UNC5C: variants seen among roughly 807,000 people sequenced by gnomAD.
The protein encoded by UNC5C is netrin receptor UNC5C.
A neutral mutation model predicts 99.8 loss-of-function variants in UNC5C; 47 were observed. The ratio of observed to expected loss-of-function variants is 0.47; its 90% confidence interval spans 0.37 to 0.60. The LOEUF (loss-of-function observed/expected upper bound fraction) is 0.60, where lower values mean the gene tolerates loss of function less well. Ranked by LOEUF, UNC5C falls within the 20% of genes least tolerant of loss-of-function variation. UNC5C has a pLI of 0.00. For synonymous variants in UNC5C, 487 were observed against 452.2 expected, an observed-to-expected ratio of 1.08 and a Z score of -0.98; for missense variants, 1,062 against 1,165.9, an observed-to-expected ratio of 0.91 and a Z score of 1.30.
At position 95,169,329 on chromosome 4, in the gene UNC5C, A is replaced by C. The variant is rs1319092340; in HGVS notation, c.2701T>G (p.Phe901Val). The change falls in exon 16 of 16, where the codon TTC (phenylalanine) becomes GTC (valine). Residue 901 changes from phenylalanine (F) to valine (V), a missense_variant. Physicochemically the swap from Phe to Val is conservative, Grantham distance 50. This residue lies in a region of UNC5C where 810 missense variants were observed against 854.5 expected (regional missense o/e 0.95). Coordinates refer to ENST00000453304, the MANE Select transcript of UNC5C (RefSeq NM_003728.4). ...AGCATGCTCAGGTTTCCATCTGGGA[A>C]GTTCTGTGCTTCCCAAAGATCCAGG... ...VILDLWEAQNFPDGNLSMLAA... is the reference protein window; with the variant it reads ...VILDLWEAQNVPDGNLSMLAA... 1.2e-6 allele frequency: 2 copies of C among 1,614,114 alleles called. No homozygotes were observed. The highest frequency in any genetic ancestry group is 1.7e-6 in the Non-Finnish European group (2 of 1,180,050).
chr4:95,176,005 G>A (rs199533049), intron 14 of UNC5C, among the ~76,000 whole-genome samples: 65,192 of 150,646 alleles, frequency 0.43, 16,551 homozygotes, highest in Admixed American at 0.58. Flanking sequence ...ATCTTCCATC[G>A]CTGATACCCT....
At chr4:95,381,645 T>A (rs1042132734) in intron 1 of UNC5C, among the ~76,000 whole-genome samples, 2 of 151,870 alleles carry the variant, frequency 1.3e-5, no homozygotes, top group African/African-American at 4.9e-5. Context: ...TTGTACCACT[T>A]AATTATTTGA....
chr4:95,221,327 T>C (rs1424727115), intron 7 of UNC5C, among the ~76,000 whole-genome samples: 1 of 152,200 alleles, frequency 6.6e-6, no homozygotes, highest in Non-Finnish European at 1.5e-5. Context: ...CAATTTTATA[T>C]ACATGTACAT....
chr4:95,459,408 A>C (rs1167346182), intron 1 of UNC5C, among the ~76,000 whole-genome samples: 1 of 152,138 alleles, frequency 6.6e-6, no homozygotes, highest in African/African-American at 2.4e-5. Context: ...AGTGTATTAA[A>C]AGTCTCTAAA....
At chr4:95,512,471 G>A (rs1489008684) in intron 1 of UNC5C, among the ~76,000 whole-genome samples, 1 of 152,068 alleles carries the variant, frequency 6.6e-6, no homozygotes, top group African/African-American at 2.4e-5. Flanking sequence ...GGGAAACCAG[G>A]CATGGTTCTG....
At chr4:95,459,546 A>C (rs1389180554) in intron 1 of UNC5C, among the ~76,000 whole-genome samples, 6 of 152,198 alleles carry the variant, frequency 3.9e-5, no homozygotes, top group African/African-American at 1.4e-4. Context: ...AGATGGAAAA[A>C]ATGCAATCAA....
intron 2 of UNC5C, among the ~76,000 whole-genome samples, chr4:95,314,544 A>C (rs1409521488): frequency 6.6e-6 from 1 of 152,234 alleles, no homozygotes; most frequent in Non-Finnish European, 1.5e-5. Flanking sequence ...AGAGACATTA[A>C]GCAATTGAAC....
chr4:95,204,043 C>T (rs1407515831), intron 11 of UNC5C, among the ~76,000 whole-genome samples: 1 of 151,846 alleles, frequency 6.6e-6, no homozygotes, highest in Non-Finnish European at 1.5e-5. Flanking sequence ...TGTGTGAGCT[C>T]ACAAGAAGGA....
chr4:95,342,072 G>A (rs1270616711), intron 1 of UNC5C, among the ~76,000 whole-genome samples: 1 of 152,104 alleles, frequency 6.6e-6, no homozygotes, highest in Non-Finnish European at 1.5e-5. Flanking sequence ...AACTTGAAAG[G>A]CAGTCTAGGC....
intron 1 of UNC5C, among the ~76,000 whole-genome samples, chr4:95,522,045 G>A (rs1293883398): frequency 6.6e-6 from 1 of 151,788 alleles, no homozygotes; most frequent in African/African-American, 2.4e-5. Flanking sequence ...TTTATTTCTA[G>A]TTTAATATAA....
intron 12 of UNC5C, among the ~76,000 whole-genome samples, chr4:95,192,499 C>T (rs1463726702): frequency 7.5e-6 from 1 of 134,012 alleles, no homozygotes; most frequent in Non-Finnish European, 1.6e-5. Flanking sequence ...CCCCTTCTCA[C>T]CTCTCCTCCC....
intron 7 of UNC5C, chr4:95,222,175 T>A: frequency 6.9e-7 from 1 of 1,442,616 alleles, no homozygotes; most frequent in Admixed American, 2.6e-5. Flanking sequence ...GTTAAATGAT[T>A]ATTCAGCAAC....
chr4:95,546,858 CTA>C (rs1174825261), intron 1 of UNC5C, among the ~76,000 whole-genome samples: 1 of 152,070 alleles, frequency 6.6e-6, no homozygotes, highest in East Asian at 1.9e-4. Flanking sequence ...AGCAGGAATC[CTA>C]TCTCTTGTTT....
chr4:95,277,621 G>T (rs933195808), intron 4 of UNC5C, among the ~76,000 whole-genome samples: 1 of 152,190 alleles, frequency 6.6e-6, no homozygotes, highest in Admixed American at 6.5e-5. Context: ...ACATGGTATT[G>T]TGTGTTGCTA....
intron 2 of UNC5C, among the ~76,000 whole-genome samples, chr4:95,326,488 A>G (rs569853466): frequency 6.6e-6 from 1 of 152,310 alleles, no homozygotes; most frequent in East Asian, 1.9e-4. Context: ...TGAGTAGATC[A>G]TGATTTCTAT....
At chr4:95,326,543 T>G (rs1742890750) in intron 2 of UNC5C, among the ~76,000 whole-genome samples, 1 of 152,208 alleles carries the variant, frequency 6.6e-6, no homozygotes, top group African/African-American at 2.4e-5. Context: ...TATTACCAAA[T>G]CAAGAACTTT....
intron 9 of UNC5C, 126 bp downstream of exon 9, chr4:95,218,843 T>C: frequency 1.1e-6 from 1 of 884,990 alleles, no homozygotes; most frequent in Non-Finnish European, 1.7e-6. Flanking sequence ...TGAAAGTAGA[T>C]TTGGGCTGGA....
chr4:95,263,002 C>T (rs369311116), intron 4 of UNC5C, among the ~76,000 whole-genome samples: 2 of 151,858 alleles, frequency 1.3e-5, no homozygotes, highest in African/African-American at 4.8e-5. Flanking sequence ...TTAGTAGAGA[C>T]GGGGGTTCCT....
intron 1 of UNC5C, among the ~76,000 whole-genome samples, chr4:95,400,208 A>C (rs1424594271): frequency 6.6e-6 from 1 of 152,072 alleles, no homozygotes; most frequent in East Asian, 1.9e-4. Flanking sequence ...GGCAAAGGTG[A>C]CATAATGTCT....
Sources: allele counts gnomAD v4.1 joint callset (sites outside exome capture counted in the v4.1 genomes callset), GRCh38; gene constraint gnomAD v4.1.1; regional missense constraint gnomAD v4.1.1; transcripts MANE v1.5; gene names NCBI Gene and HGNC (gene_info 2026-07-23, HGNC 2026-07-21).